KCND2: variants seen among roughly 807,000 people sequenced by gnomAD.
The protein encoded by KCND2 is potassium voltage-gated channel subfamily D member 2, also known as A-type voltage-gated potassium channel KCND2.
KCND2 carries 16 observed loss-of-function variants against 54.4 expected under a neutral mutation model. That is an observed-to-expected ratio of 0.29 (90% confidence interval 0.20 to 0.45). KCND2 has a LOEUF of 0.45. KCND2 is among the 20% of genes least tolerant of loss of function. The pLI is 1.00. For missense variants in KCND2, 486 were observed against 824.2 expected, an observed-to-expected ratio of 0.59 and a Z score of 5.02; for synonymous variants, 317 against 310.7, an observed-to-expected ratio of 1.02 and a Z score of -0.21.
At chr7:120,308,821 C>T (rs915956654) in intron 1 of KCND2, among the ~76,000 whole-genome samples, 1 of 152,060 alleles carries the variant, frequency 6.6e-6, no homozygotes, top group Non-Finnish European at 1.5e-5. Context: ...AGTTTCTTCA[C>T]CTGAATAAAG....
At chr7:120,312,333 T>G (rs891075854) in intron 1 of KCND2, among the ~76,000 whole-genome samples, 3 of 152,202 alleles carry the variant, frequency 2.0e-5, no homozygotes, top group African/African-American at 7.2e-5. Context: ...TTGTGAGTAG[T>G]GTTGCAATGA....
intron 1 of KCND2, among the ~76,000 whole-genome samples, chr7:120,351,218 CCAT>C (rs1800395503): frequency 7.8e-6 from 1 of 127,790 alleles, no homozygotes; most frequent in African/African-American, 2.9e-5. Flanking sequence ...TATGACAATA[CCAT>C]CATATTATAT....
At chr7:120,616,903 T>G (rs192054601) in intron 1 of KCND2, among the ~76,000 whole-genome samples, 16 of 152,288 alleles carry the variant, frequency 1.1e-4, no homozygotes, top group Admixed American at 4.6e-4. Flanking sequence ...GTGTTCTCAG[T>G]TCCACCCTGT....
intron 1 of KCND2, among the ~76,000 whole-genome samples, chr7:120,501,043 A>G (rs887266495): frequency 6.6e-6 from 1 of 151,996 alleles, no homozygotes; most frequent in Non-Finnish European, 1.5e-5. Flanking sequence ...CATCAAATGT[A>G]TACCCTAAAG....
intron 1 of KCND2, among the ~76,000 whole-genome samples, chr7:120,519,143 C>T (rs984245571): frequency 2.6e-5 from 4 of 152,008 alleles, no homozygotes; most frequent in Admixed American, 6.6e-5. Context: ...GACTAGTCAA[C>T]GTGGTGAAAA....
chr7:120,598,969 A>T (rs1219969946), intron 1 of KCND2, among the ~76,000 whole-genome samples: 1 of 152,134 alleles, frequency 6.6e-6, no homozygotes, highest in Non-Finnish European at 1.5e-5. Flanking sequence ...TTTTACATTT[A>T]GGTAGCCGAT....
intron 1 of KCND2, among the ~76,000 whole-genome samples, chr7:120,494,685 G>A (rs1036808601): frequency 1.3e-5 from 2 of 152,108 alleles, no homozygotes; most frequent in African/African-American, 4.8e-5. Context: ...CTAAAGTATG[G>A]CTGGAGATAT....
At chr7:120,336,502 T>G (rs1390795013) in intron 1 of KCND2, among the ~76,000 whole-genome samples, 1 of 152,162 alleles carries the variant, frequency 6.6e-6, no homozygotes, top group Non-Finnish European at 1.5e-5. Flanking sequence ...TGAATTTTAT[T>G]AGCATTTATT....
intron 1 of KCND2, among the ~76,000 whole-genome samples, chr7:120,665,184 G>A (rs770242683): frequency 6.6e-6 from 1 of 151,988 alleles, no homozygotes; most frequent in Non-Finnish European, 1.5e-5. Context: ...ACATTGAAGT[G>A]GAAGTAAATA....
intron 1 of KCND2, among the ~76,000 whole-genome samples, chr7:120,611,198 A>C (rs2116486787): frequency 6.6e-6 from 1 of 152,308 alleles, no homozygotes; most frequent in Non-Finnish European, 1.5e-5. Context: ...TAATTAACTC[A>C]AAATAGTTTG....
intron 1 of KCND2, among the ~76,000 whole-genome samples, chr7:120,415,705 C>G (rs1247656269): frequency 2.0e-5 from 3 of 152,214 alleles, no homozygotes; most frequent in Non-Finnish European, 4.4e-5. Flanking sequence ...AGGCCAAAAC[C>G]TGTCATTCAT....
At chr7:120,352,362 G>GTATGTATATACATACATATA (rs1310853459) in intron 1 of KCND2, among the ~76,000 whole-genome samples, 7 of 151,036 alleles carry the variant, frequency 4.6e-5, no homozygotes, top group African/African-American at 1.7e-4. Context: ...ACATACATAT[G>GTATGTATATACATACATATA]TATGTATATA....
At chr7:120,436,056 G>A (rs1019403477) in intron 1 of KCND2, among the ~76,000 whole-genome samples, 6 of 152,162 alleles carry the variant, frequency 3.9e-5, no homozygotes, top group African/African-American at 1.4e-4. Context: ...GAGAATTATA[G>A]TGTTTGAAAC....
At chr7:120,566,347 T>G (rs1285392941) in intron 1 of KCND2, among the ~76,000 whole-genome samples, 1 of 152,142 alleles carries the variant, frequency 6.6e-6, no homozygotes, top group Non-Finnish European at 1.5e-5. Flanking sequence ...TTTTGCCTTT[T>G]TTTTTCCTTT....
intron 1 of KCND2, among the ~76,000 whole-genome samples, chr7:120,373,892 T>C (rs992242556): frequency 2.6e-5 from 4 of 151,828 alleles, no homozygotes; most frequent in Admixed American, 6.6e-5. Flanking sequence ...ATTATGAATT[T>C]TTAAAAAAGA....
intron 1 of KCND2, among the ~76,000 whole-genome samples, chr7:120,397,993 GTGTATATATATA>G (rs1302708266): frequency 1.6e-3 from 62 of 39,988 alleles, no homozygotes; most frequent in African/African-American, 2.7e-3. Flanking sequence ...GTGTGTGTGT[GTGTATATATATA>G]TATATATATA....
chr7:120,313,948 A>G (rs1799776087), intron 1 of KCND2, among the ~76,000 whole-genome samples: 1 of 151,992 alleles, frequency 6.6e-6, no homozygotes, highest in East Asian at 1.9e-4. Flanking sequence ...CAGTATAAAT[A>G]CAAAAAAGAA....
chr7:120,643,299 G>C (rs1056315469), intron 1 of KCND2, among the ~76,000 whole-genome samples: 18 of 152,228 alleles, frequency 1.2e-4, no homozygotes, highest in African/African-American at 4.3e-4. Context: ...ATGATAGGCT[G>C]TAATTGCTGA....
chr7:120,501,765 T>A (rs1802938448), intron 1 of KCND2, among the ~76,000 whole-genome samples: 1 of 152,146 alleles, frequency 6.6e-6, no homozygotes, highest in Non-Finnish European at 1.5e-5. Flanking sequence ...TTTCATTCCA[T>A]GCTCTAGGGA....
Sources: gnomAD v4.1 joint callset for allele counts (sites outside exome capture counted in the v4.1 genomes callset) on GRCh38, gnomAD v4.1.1 for gene constraint, MANE v1.5 for transcripts, NCBI Gene and HGNC (gene_info 2026-07-23, HGNC 2026-07-21) for gene names.